The following LRFN5 variants were observed in gnomAD, a reference collection of about 807,000 sequenced individuals.
LRFN5 encodes the protein leucine rich repeat and fibronectin type III domain containing 5.
A neutral mutation model predicts 45.6 loss-of-function variants in LRFN5; 24 were observed. The ratio of observed to expected loss-of-function variants is 0.53; its 90% CI spans 0.38 to 0.74. LRFN5 has a LOEUF of 0.74. Among genes scored for constraint, LRFN5 ranks in the 30% least tolerant of loss-of-function variants. LRFN5 has a pLI of 0.00. For synonymous variants in LRFN5, 340 were observed against 313.8 expected, an observed-to-expected ratio of 1.08 and a Z score of -0.88; for missense variants, 776 against 861.5, an observed-to-expected ratio of 0.90 and a Z score of 1.24.
intron 1 of LRFN5, among the ~76,000 whole-genome samples, chr14:41,656,757 T>C (rs1260153784): frequency 2.0e-5 from 3 of 151,840 alleles, no homozygotes; most frequent in African/African-American, 4.8e-5. Flanking sequence ...AGGAAGAGCG[T>C]TGATCGCTTA....
At chr14:41,627,885 CA>C (rs1468458198) in intron 1 of LRFN5, among the ~76,000 whole-genome samples, 4 of 151,916 alleles carry the variant, frequency 2.6e-5, no homozygotes, top group Admixed American at 6.6e-5. Context: ...AAATTGTATA[CA>C]TTTTTTTTTC....
intron 1 of LRFN5, among the ~76,000 whole-genome samples, chr14:41,752,125 T>C (rs61992405): frequency 0.13 from 19,844 of 152,204 alleles, 1,537 homozygotes; most frequent in Non-Finnish European, 0.18. Flanking sequence ...TAGTATTCCA[T>C]AGTGTATATG....
chr14:41,857,695 T>G (rs1889520463), intron 2 of LRFN5, among the ~76,000 whole-genome samples: 1 of 152,234 alleles, frequency 6.6e-6, no homozygotes, highest in African/African-American at 2.4e-5. Flanking sequence ...CATCACACAA[T>G]TTGGAGACAC....
chr14:41,844,385 G>T (rs144126612), intron 2 of LRFN5, among the ~76,000 whole-genome samples: 2 of 150,424 alleles, frequency 1.3e-5, no homozygotes, highest in Admixed American at 1.3e-4. Flanking sequence ...TGCAGTGAGC[G>T]GAGATCTTGC....
chr14:41,875,551 C>T (rs1890158577), intron 2 of LRFN5, among the ~76,000 whole-genome samples: 2 of 152,192 alleles, frequency 1.3e-5, no homozygotes, highest in South Asian at 4.1e-4. Context: ...TTAAAGAATA[C>T]TGAGATTTCT....
At chr14:41,766,106 A>G (rs897415002) in intron 1 of LRFN5, among the ~76,000 whole-genome samples, 6 of 152,164 alleles carry the variant, frequency 3.9e-5, no homozygotes, top group African/African-American at 1.4e-4. Context: ...GTAAAATTAC[A>G]ATGCTTTTAT....
In LRFN5 at chr14:41,632,594, A is replaced by G. The variant is rs113029398; in HGVS notation, c.-197+24032A>G. Among the ~76,000 whole-genome samples the G allele has an allele frequency of 6.3e-3, 963 of 152,276 alleles. 15 individuals carry two copies. The highest frequency in any genetic ancestry group is 0.023 in the African/African-American group (938 of 41,548). ...CTCCAGCATGGGCAATAAGAGAGATATTTTGTCTCAAAAACAAAAATAAAA... is the reference window on the plus strand; with the variant it reads ...CTCCAGCATGGGCAATAAGAGAGATGTTTTGTCTCAAAAACAAAAATAAAA... On this transcript the variant is annotated intron_variant, in intron 1 of 5. Transcript: ENST00000298119.
At chr14:41,656,330 A>C (rs1440733147) in intron 1 of LRFN5, among the ~76,000 whole-genome samples, 13 of 152,168 alleles carry the variant, frequency 8.5e-5, no homozygotes, top group Admixed American at 4.6e-4. Context: ...CTTTATGCTA[A>C]TCCTACCCAC....
chr14:41,763,731 T>C (rs1885763113), intron 1 of LRFN5, among the ~76,000 whole-genome samples: 1 of 152,184 alleles, frequency 6.6e-6, no homozygotes, highest in African/African-American at 2.4e-5. Context: ...TTGCTCTTAC[T>C]TCATCCTCTG....
intron 1 of LRFN5, among the ~76,000 whole-genome samples, chr14:41,682,568 G>T (rs1386680717): frequency 1.3e-5 from 2 of 151,984 alleles, no homozygotes; most frequent in Admixed American, 6.6e-5. Context: ...CAAATATTTA[G>T]CTCGACTGCA....
intron 1 of LRFN5, among the ~76,000 whole-genome samples, chr14:41,686,512 G>A (rs919222997): frequency 3.3e-5 from 5 of 151,836 alleles, no homozygotes; most frequent in Non-Finnish European, 5.9e-5. Context: ...TGTTGAATAG[G>A]AGTGGTGAGA....
chr14:41,643,592 T>C (rs1341073244), intron 1 of LRFN5, among the ~76,000 whole-genome samples: 3 of 152,088 alleles, frequency 2.0e-5, no homozygotes, highest in African/African-American at 7.2e-5. Context: ...GCTCCCATGA[T>C]GCACTAAAAA....
intron 1 of LRFN5, among the ~76,000 whole-genome samples, chr14:41,673,335 G>C (rs1170425304): frequency 2.1e-5 from 3 of 144,708 alleles, no homozygotes; most frequent in Non-Finnish European, 1.6e-5. Context: ...GCGGCTGGCC[G>C]GGCGGGGGGC....
At chr14:41,796,847 T>A (rs1887150337) in intron 2 of LRFN5, among the ~76,000 whole-genome samples, 1 of 151,968 alleles carries the variant, frequency 6.6e-6, no homozygotes, top group Non-Finnish European at 1.5e-5. Flanking sequence ...CTGTCGAAGA[T>A]AATAATTCTT....
intron 1 of LRFN5, among the ~76,000 whole-genome samples, chr14:41,737,580 A>G (rs1187107887): frequency 6.6e-6 from 1 of 152,214 alleles, no homozygotes; most frequent in Non-Finnish European, 1.5e-5. Context: ...TGTGGATGAC[A>G]TGATTGTATA....
At chr14:41,770,321 G>C (rs963415297) in intron 2 of LRFN5, among the ~76,000 whole-genome samples, 1 of 152,142 alleles carries the variant, frequency 6.6e-6, no homozygotes, top group African/African-American at 2.4e-5. Context: ...GTTCTTTTCA[G>C]ATTGCAAAAT....
intron 1 of LRFN5, among the ~76,000 whole-genome samples, chr14:41,675,590 G>T (rs933756195): frequency 2.0e-5 from 3 of 152,154 alleles, no homozygotes; most frequent in Non-Finnish European, 2.9e-5. Flanking sequence ...GAGGGAGACC[G>T]TGGAAAGAGG....
intron 1 of LRFN5, among the ~76,000 whole-genome samples, chr14:41,657,707 T>C (rs567983229): frequency 6.6e-6 from 1 of 152,116 alleles, no homozygotes; most frequent in South Asian, 2.1e-4. Context: ...CTAACGTACA[T>C]ACCCATAGTC....
intron 2 of LRFN5, among the ~76,000 whole-genome samples, chr14:41,834,708 C>A (rs565742292): frequency 6.6e-6 from 1 of 152,022 alleles, no homozygotes; most frequent in Non-Finnish European, 1.5e-5. Context: ...GTTGCCCAGG[C>A]TGGAGTGCAG....
Sources: allele counts gnomAD v4.1 joint callset (sites outside exome capture counted in the v4.1 genomes callset), GRCh38; gene constraint gnomAD v4.1.1; transcripts MANE v1.5; gene names NCBI Gene and HGNC (gene_info 2026-07-23, HGNC 2026-07-21).